The following LRMDA variants were observed in gnomAD, a reference collection of about 807,000 sequenced individuals.
LRMDA encodes the protein leucine rich melanocyte differentiation associated.
LRMDA carries 18 observed loss-of-function variants against 29.8 expected under a neutral mutation model. The observed-to-expected ratio is 0.60, with a 90% CI of 0.42 to 0.90. The LOEUF is 0.90. Among genes scored for constraint, LRMDA ranks in the 40% least tolerant of loss-of-function variants. The probability of loss-of-function intolerance (pLI) is 0.00; values close to 1 mark genes in which losing one functional copy is unlikely to be tolerated. For missense variants in LRMDA, 273 were observed against 273.9 expected (o/e 1.00, Z 0.02); for synonymous variants, 125 against 109.4 (o/e 1.14, Z -0.89).
chr10:76,351,163 G>A (rs533590312), intron 6 of LRMDA, among the ~76,000 whole-genome samples: 65 of 152,200 alleles, frequency 4.3e-4, no homozygotes, highest in African/African-American at 1.6e-3. Flanking sequence ...GTCAGGGGTT[G>A]GCAAGAGCAT....
chr10:75,486,688 G>T (rs1417730112), intron 2 of LRMDA, among the ~76,000 whole-genome samples: 1 of 152,138 alleles, frequency 6.6e-6, no homozygotes, highest in African/African-American at 2.4e-5. Flanking sequence ...GGTGAGTCTG[G>T]CATGCTGGGG....
intron 2 of LRMDA, among the ~76,000 whole-genome samples, chr10:75,592,699 C>T (rs1231370897): frequency 6.6e-6 from 1 of 152,230 alleles, no homozygotes; most frequent in African/African-American, 2.4e-5. Flanking sequence ...TCTCCTGTTC[C>T]TCAGTCTCGG....
intron 5 of LRMDA, among the ~76,000 whole-genome samples, chr10:76,222,967 G>A (rs565796705): frequency 1.1e-4 from 17 of 152,036 alleles, no homozygotes; most frequent in Non-Finnish European, 2.1e-4. Context: ...TCCTTTGTAG[G>A]GACATAGATG....
intron 2 of LRMDA, among the ~76,000 whole-genome samples, chr10:75,843,980 CTGGGCTG>C (rs1380335873): frequency 6.6e-6 from 1 of 152,064 alleles, no homozygotes; most frequent in East Asian, 1.9e-4. Flanking sequence ...GCCCTTCTCG[CTGGGCTG>C]TGGTAGTGGC....
At chr10:75,431,868 C>A in intron 1 of LRMDA, 114 bp downstream of exon 1, 1 of 1,058,998 alleles carries the variant, frequency 9.4e-7, no homozygotes, top group Non-Finnish European at 1.2e-6. Flanking sequence ...CAGGGGGCTG[C>A]GTCTGCAGGG....
chr10:75,801,874 G>A (rs2132261755), intron 2 of LRMDA, among the ~76,000 whole-genome samples: 1 of 152,334 alleles, frequency 6.6e-6, no homozygotes, highest in Middle Eastern at 3.4e-3. Context: ...GGTAAGAGAT[G>A]ATGATGATTG....
chr10:75,812,767 C>G (rs1032775746), intron 2 of LRMDA, among the ~76,000 whole-genome samples: 18 of 152,136 alleles, frequency 1.2e-4, no homozygotes, highest in African/African-American at 3.1e-4. Context: ...GAGAGGTGAG[C>G]ATAAGACTTT....
intron 2 of LRMDA, among the ~76,000 whole-genome samples, chr10:75,707,936 G>A (rs866255425): frequency 1.2e-4 from 18 of 152,282 alleles, no homozygotes; most frequent in South Asian, 2.1e-4. Flanking sequence ...TTATTTAAAT[G>A]TTTATCCTTC....
At chr10:75,627,350 T>C (rs1589139256) in intron 2 of LRMDA, among the ~76,000 whole-genome samples, 1 of 152,208 alleles carries the variant, frequency 6.6e-6, no homozygotes, top group East Asian at 1.9e-4. Context: ...TTGGAAACTG[T>C]CTCCCCTATA....
intron 5 of LRMDA, among the ~76,000 whole-genome samples, chr10:76,111,508 G>A (rs1168987631): frequency 6.6e-6 from 1 of 152,200 alleles, no homozygotes; most frequent in Admixed American, 6.5e-5. Flanking sequence ...CATGATTCAG[G>A]TTTCCAGCAT....
intron 5 of LRMDA, among the ~76,000 whole-genome samples, chr10:76,064,941 T>C (rs1230968797): frequency 1.3e-5 from 2 of 152,224 alleles, no homozygotes; most frequent in Non-Finnish European, 2.9e-5. Flanking sequence ...TTTTCTGTTT[T>C]CATGCAGATG....
chr10:75,822,409 A>G (rs1163838272), intron 2 of LRMDA, among the ~76,000 whole-genome samples: 1 of 152,202 alleles, frequency 6.6e-6, no homozygotes, highest in East Asian at 1.9e-4. Context: ...CTATAGATTC[A>G]ACCCAATTCC....
chr10:75,734,945 C>T (rs1842743500), intron 2 of LRMDA, among the ~76,000 whole-genome samples: 1 of 152,248 alleles, frequency 6.6e-6, no homozygotes, highest in African/African-American at 2.4e-5. Context: ...CTGATCCTCT[C>T]ATGCTGCTCT....
At chr10:75,436,532 A>G (rs1844265925) in intron 1 of LRMDA, among the ~76,000 whole-genome samples, 1 of 151,854 alleles carries the variant, frequency 6.6e-6, no homozygotes, top group African/African-American at 2.4e-5. Flanking sequence ...CAGTGGTGCA[A>G]TCTCGGCTCA....
intron 6 of LRMDA, among the ~76,000 whole-genome samples, chr10:76,350,963 ATC>A (rs1841169414): frequency 6.6e-6 from 1 of 152,092 alleles, no homozygotes; most frequent in East Asian, 1.9e-4. Context: ...TAGCCCCTAA[ATC>A]TCTATTAAAA....
At chr10:76,384,668 C>A (rs1428445321) in intron 6 of LRMDA, among the ~76,000 whole-genome samples, 1 of 152,144 alleles carries the variant, frequency 6.6e-6, no homozygotes, top group Non-Finnish European at 1.5e-5. Flanking sequence ...CTGTGAGCTC[C>A]CATTTGTCCC....
intron 4 of LRMDA, among the ~76,000 whole-genome samples, chr10:76,055,210 A>T (rs1405512910): frequency 6.6e-6 from 1 of 152,056 alleles, no homozygotes; most frequent in East Asian, 1.9e-4. Context: ...CAGGGTAGGA[A>T]AAGGACAATA....
intron 2 of LRMDA, among the ~76,000 whole-genome samples, chr10:75,852,512 TA>T (rs1407109983): frequency 6.7e-6 from 1 of 148,574 alleles, no homozygotes; most frequent in East Asian, 2.0e-4. Context: ...GACTGCTGAT[TA>T]AAAAAAAGCA....
intron 2 of LRMDA, among the ~76,000 whole-genome samples, chr10:75,758,310 A>G (rs1446122462): frequency 6.6e-6 from 1 of 152,184 alleles, no homozygotes; most frequent in Admixed American, 6.5e-5. Flanking sequence ...GAAAAGTCGG[A>G]AACTAAGTTC....
Sources: allele counts gnomAD v4.1 joint callset (sites outside exome capture counted in the v4.1 genomes callset), GRCh38; gene constraint gnomAD v4.1.1; transcripts MANE v1.5; gene names NCBI Gene and HGNC (gene_info 2026-07-23, HGNC 2026-07-21).